FAM133B: variants seen among roughly 807,000 people sequenced by gnomAD.
FAM133B encodes family with sequence similarity 133 member B.
Under a neutral mutation model 46.4 loss-of-function variants are expected in FAM133B, and 25 were observed. That is an observed-to-expected ratio of 0.54 (90% confidence interval 0.39 to 0.75). The LOEUF is 0.75. Ranked by LOEUF, FAM133B falls within the 30% of genes least tolerant of loss-of-function variation. The pLI is 0.00. For synonymous variants in FAM133B, 75 were observed against 86.0 expected, an observed-to-expected ratio of 0.87 and a Z score of 0.71; for missense variants, 205 against 277.6, an observed-to-expected ratio of 0.74 and a Z score of 1.86.
At chr7:92,574,777 C>A (rs531517875) in intron 8 of FAM133B, among the ~76,000 whole-genome samples, 1 of 151,550 alleles carries the variant, frequency 6.6e-6, no homozygotes, top group African/African-American at 2.4e-5. Flanking sequence ...CGGTGGCGGG[C>A]GCCTGTAGTC....
intron 5 of FAM133B, 56 bp downstream of exon 5, chr7:92,578,094 C>G: frequency 1.4e-6 from 2 of 1,468,456 alleles, no homozygotes; most frequent in Non-Finnish European, 1.9e-6. Context: ...ATTATTCTTA[C>G]TTTTTTTGTT....
At chr7:92,565,200 G>A (rs569274867) in intron 10 of FAM133B, among the ~76,000 whole-genome samples, 1 of 149,936 alleles carries the variant, frequency 6.7e-6, no homozygotes, top group Non-Finnish European at 1.5e-5. Context: ...GCTGAGGCTG[G>A]AGTGCAGTGG....
At chr7:92,567,858 G>A (rs988711627) in intron 9 of FAM133B, among the ~76,000 whole-genome samples, 9 of 151,710 alleles carry the variant, frequency 5.9e-5, no homozygotes, top group Admixed American at 2.6e-4. Context: ...CTGCCTTTCC[G>A]GTTCAAGCGA....
intron 7 of FAM133B, among the ~76,000 whole-genome samples, chr7:92,576,069 C>T (rs781725567): frequency 6.6e-6 from 1 of 152,218 alleles, no homozygotes; most frequent in African/African-American, 2.4e-5. Flanking sequence ...GTAATACCCA[C>T]ACAGCTTATT....
chr7:92,579,405 T>C lies in FAM133B; in HGVS notation c.123-10A>G, dbSNP rs75242994. The C allele has an allele frequency of 1.0e-3, 1,659 of 1,585,284 alleles. 17 individuals are homozygous for C. In the African/African-American group the frequency reaches 0.02, roughly 19 times the overall value. On this transcript the variant is annotated splice_polypyrimidine_tract_variant and intron_variant, in intron 2 of 10. Coordinates refer to ENST00000445716, the MANE Select transcript of FAM133B (RefSeq NM_152789.4). ...CTCTTTTACTTCTTCCCTTAAAAAA[T>C]AGAATGTACAAACAAAATTTCAAGC...
intron 8 of FAM133B, among the ~76,000 whole-genome samples, chr7:92,575,521 C>G (rs1794666920): frequency 6.6e-6 from 1 of 152,148 alleles, no homozygotes; most frequent in African/African-American, 2.4e-5. Flanking sequence ...ATCTGCTAAT[C>G]TGCATTATTT....
Position 92,582,293 on chromosome 7 carries a change from C to CATAACATAACATAACATAACATAACATAA in FAM133B, c.25-691_25-690insTTATGTTATGTTATGTTATGTTATGTTAT, listed in dbSNP as rs1554390068. Among the ~76,000 whole-genome samples, 932 of 140,858 alleles carry CATAACATAACATAACATAACATAACATAA rather than the reference C, an allele frequency of 6.6e-3. 3 individuals are homozygous for CATAACATAACATAACATAACATAACATAA. Among genetic ancestry groups the CATAACATAACATAACATAACATAACATAA allele is most frequent in the African/African-American group, 0.015 (518 of 35,328 alleles). 92.4% of individuals were successfully genotyped at this position (140,858 alleles called of 152,430 possible). A position where few individuals can be genotyped will look rare whatever the true frequency, so the allele number is the denominator to read the frequency against. ...CATAACATAACATAACATAACATAA[C>CATAACATAACATAACATAACATAACATAA]ATAACATAAATAACATAAAATAACA... On this transcript the variant is annotated intron_variant, in intron 1 of 10. Coordinates refer to ENST00000445716, the MANE Select transcript of FAM133B (RefSeq NM_152789.4).
chr7:92,563,320 T>C (rs34904849), intron 10 of FAM133B, among the ~76,000 whole-genome samples: 32,328 of 152,138 alleles, frequency 0.21, 3,950 homozygotes, highest in East Asian at 0.35. Flanking sequence ...ACATAGGGAA[T>C]ATTACAGAGT....
intron 9 of FAM133B, among the ~76,000 whole-genome samples, chr7:92,567,427 A>G (rs1177118974): frequency 6.6e-6 from 1 of 152,208 alleles, no homozygotes; most frequent in Non-Finnish European, 1.5e-5. Flanking sequence ...TGACTACGAC[A>G]TTAAATACAT....
intron 3 of FAM133B, 124 bp from the exon 4 acceptor site, chr7:92,578,517 A>G: frequency 1.2e-6 from 1 of 836,734 alleles, no homozygotes; most frequent in Non-Finnish European, 1.9e-6. Flanking sequence ...TCAGCTTCTA[A>G]TTACAGTCAA....
intron 1 of FAM133B, among the ~76,000 whole-genome samples, chr7:92,582,258 A>AATAAC (rs199980853): frequency 0.16 from 24,001 of 147,834 alleles, 1,990 homozygotes; most frequent in Non-Finnish European, 0.18. Context: ...AAATAAAATA[A>AATAAC]ATAACATAAC....
At chr7:92,564,747 A>G (rs1347264989) in intron 10 of FAM133B, among the ~76,000 whole-genome samples, 1 of 152,130 alleles carries the variant, frequency 6.6e-6, no homozygotes, top group Non-Finnish European at 1.5e-5. Context: ...CATAGCTCAC[A>G]TTTATACTGA....
At chr7:92,576,425 T>C (rs1794698207) in intron 7 of FAM133B, among the ~76,000 whole-genome samples, 1 of 149,950 alleles carries the variant, frequency 6.7e-6, no homozygotes. Flanking sequence ...TTCTAGATGC[T>C]AGGTATTTTG....
intron 2 of FAM133B, among the ~76,000 whole-genome samples, chr7:92,580,267 A>G (rs1057505725): frequency 2.7e-5 from 4 of 150,598 alleles, no homozygotes; most frequent in African/African-American, 9.8e-5. Flanking sequence ...AAACACATAA[A>G]TATTTTTTGT....
At chr7:92,568,131 C>T (rs973205525) in intron 9 of FAM133B, among the ~76,000 whole-genome samples, 1 of 151,900 alleles carries the variant, frequency 6.6e-6, no homozygotes, top group Non-Finnish European at 1.5e-5. Context: ...CTATGTTGCC[C>T]AAGCTGGTCG....
chr7:92,582,298 CATAA>C (rs1794908447), intron 1 of FAM133B, among the ~76,000 whole-genome samples: 1 of 147,328 alleles, frequency 6.8e-6, no homozygotes, highest in Non-Finnish European at 1.5e-5. Flanking sequence ...CATAACATAA[CATAA>C]ATAACATAAA....
At chr7:92,572,138 ATGT>A (rs1362483206) in intron 8 of FAM133B, among the ~76,000 whole-genome samples, 1 of 152,214 alleles carries the variant, frequency 6.6e-6, no homozygotes, top group Non-Finnish European at 1.5e-5. Flanking sequence ...GGACCAGAAA[ATGT>A]TGTTTCTTTC....
At chr7:92,588,286 T>A (rs2116430471) in intron 1 of FAM133B, among the ~76,000 whole-genome samples, 1 of 152,352 alleles carries the variant, frequency 6.6e-6, no homozygotes, top group South Asian at 2.1e-4. Flanking sequence ...TTTAGAGGAA[T>A]GTTTCAACCA....
intron 1 of FAM133B, among the ~76,000 whole-genome samples, chr7:92,583,622 C>T (rs886964235): frequency 6.6e-6 from 1 of 151,886 alleles, no homozygotes; most frequent in Non-Finnish European, 1.5e-5. Context: ...TTTAGCAAAG[C>T]GATGTTGTTT....
Sources: gnomAD v4.1 joint callset for allele counts (sites outside exome capture counted in the v4.1 genomes callset) on GRCh38, gnomAD v4.1.1 for gene constraint, MANE v1.5 for transcripts, NCBI Gene and HGNC (gene_info 2026-07-23, HGNC 2026-07-21) for gene names.